N4BP2: variants seen among roughly 807,000 people sequenced by gnomAD.
The protein encoded by N4BP2 is NEDD4-binding protein 2.
N4BP2 carries 91 observed loss-of-function variants against 152.8 expected under a neutral mutation model. The ratio of observed to expected loss-of-function variants is 0.60; its 90% confidence interval spans 0.50 to 0.71. The LOEUF (loss-of-function observed/expected upper bound fraction) is 0.71, where lower values mean the gene tolerates loss of function less well. Among genes scored for constraint, N4BP2 ranks in the 30% least tolerant of loss-of-function variants. The pLI is 0.00. For missense variants in N4BP2, 1,923 were observed against 2,059.1 expected (o/e 0.93, Z 1.28); for synonymous variants, 646 against 705.3 (o/e 0.92, Z 1.33).
intron 1 of N4BP2, among the ~76,000 whole-genome samples, chr4:40,057,365 C>G (rs1030552321): frequency 6.6e-6 from 1 of 152,228 alleles, no homozygotes; most frequent in African/African-American, 2.4e-5. Flanking sequence ...CTCGACCCCC[C>G]GAGGTTTCCT....
At chr4:40,169,651 C>T in the N4BP2 span, among the ~76,000 whole-genome samples, 1 of 150,702 alleles carries the variant, frequency 6.6e-6, no homozygotes, top group Admixed American at 6.6e-5. Context: ...AAATTCAGTG[C>T]TCATCTTTAA....
At chr4:40,123,278 A>G (rs895381737) in intron 10 of N4BP2, 66 bp downstream of exon 10, 47 of 1,064,942 alleles carry the variant, frequency 4.4e-5, no homozygotes, top group Non-Finnish European at 6.3e-5. Context: ...ATTTCAGTGA[A>G]ATCTACCACA....
chr4:40,092,002 A>T (rs1714602344), intron 2 of N4BP2, among the ~76,000 whole-genome samples: 1 of 82,456 alleles, frequency 1.2e-5, no homozygotes, highest in African/African-American at 4.7e-5. Flanking sequence ...AAAAAAAAAA[A>T]AAAAATTATA....
intron 5 of N4BP2, 47 bp downstream of exon 5, chr4:40,107,071 A>G (rs768187979): frequency 6.3e-7 from 1 of 1,583,358 alleles, no homozygotes; most frequent in Non-Finnish European, 8.6e-7. Context: ...AGTAATACAA[A>G]GAAAAAATTC....
chr4:40,144,712 G>A lies in N4BP2; in HGVS notation c.5055G>A (p.Leu1685=), dbSNP rs1720348293. 3.1e-6 allele frequency: 5 copies of A among 1,613,976 alleles called. No individual in the cohort carries two copies. Among genetic ancestry groups the A allele is most frequent in the African/African-American group, 1.3e-5 (1 of 74,930 alleles). The change falls in exon 16 of 18, where the codon CTG becomes CTA. Residue 1685 remains leucine, a synonymous_variant. Transcript: ENST00000261435. ...TCTTTGAGAAAGTCAATGCTTCGCT[G>A]CTGCCACAGAATGTTTTAGACCTCC... ...IEIFEKVNAS[L]LPQNVLDLHG... is the part of the protein sequence containing the mutation.
At chr4:40,084,198 G>A (rs1713690501) in intron 2 of N4BP2, among the ~76,000 whole-genome samples, 1 of 152,204 alleles carries the variant, frequency 6.6e-6, no homozygotes, top group South Asian at 2.1e-4. Context: ...TAATCCACCT[G>A]CCTTGGCCTC....
At chr4:40,138,758 C>T (rs1579118484) in intron 14 of N4BP2, among the ~76,000 whole-genome samples, 1 of 152,200 alleles carries the variant, frequency 6.6e-6, no homozygotes, top group East Asian at 1.9e-4. Context: ...TTCCATTGAT[C>T]TGTATGTCTG....
Position 40,120,932 on chromosome 4 carries a change from T to A in N4BP2, c.2821T>A (p.Leu941Met), listed in dbSNP as rs747203550. The part of the protein sequence containing the change: ...WGTSSQKLKT[L>M]GSSNLGSSEM... ...CACAAGCTCTCAAAAACTAAAGACA[T>A]TGGGTAGCTCCAATCTAGGAAGTTC... The change falls in exon 9 of 18, where the codon TTG becomes ATG. Residue 941 changes from leucine (L) to methionine (M), a missense_variant. By Grantham distance (15) the Leu-to-Met change is conservative (BLOSUM62 2). Transcript: ENST00000261435. 1 of 1,614,094 alleles carries A rather than the reference T, an allele frequency of 6.2e-7. No individual in the cohort carries two copies. Among genetic ancestry groups the A allele is most frequent in the Admixed American group, 1.7e-5 (1 of 60,018 alleles).
At chr4:40,162,602 G>A (rs1721887843), downstream of N4BP2, among the ~76,000 whole-genome samples, 1 of 152,172 alleles carries the variant, frequency 6.6e-6, no homozygotes, top group Non-Finnish European at 1.5e-5. Context: ...GGGATATTTA[G>A]AGGTATGCCA....
chr4:40,113,448 A>G lies in N4BP2; in HGVS notation c.1604A>G (p.Tyr535Cys), dbSNP rs1276051047. The G allele has an allele frequency of 6.2e-7, 1 of 1,612,630 alleles. No individual in the cohort carries two copies. Among genetic ancestry groups the G allele is most frequent in the Non-Finnish European group, 8.5e-7 (1 of 1,178,956 alleles). The change falls in exon 7 of 18, where the codon TAT (tyrosine) becomes TGT (cysteine). Residue 535 changes from tyrosine to cysteine, a missense_variant. Coordinates refer to ENST00000261435, the MANE Select transcript of N4BP2 (RefSeq NM_018177.6). ...TGTATGTAGTCTCAGAAACACAAAT[A>G]TAAAGTCCTTTTTCGGGAACCAGAC... ...PYVALSQKHK[Y>C]KVLFREPDTW... is the part of the protein sequence containing the mutation.
chr4:40,096,106 A>G (rs1715083833), intron 2 of N4BP2, among the ~76,000 whole-genome samples: 2 of 152,194 alleles, frequency 1.3e-5, no homozygotes. Context: ...ATATTCAAGC[A>G]GAGAAAACAA....
intron 13 of N4BP2, among the ~76,000 whole-genome samples, chr4:40,135,011 A>G (rs1719252851): frequency 6.7e-6 from 1 of 149,038 alleles, no homozygotes; most frequent in African/African-American, 2.5e-5. Flanking sequence ...GGTTAGTTAC[A>G]TATGTATACA....
chr4:40,086,770 C>T (rs1413378895), intron 2 of N4BP2, among the ~76,000 whole-genome samples: 1 of 151,960 alleles, frequency 6.6e-6, no homozygotes, highest in East Asian at 1.9e-4. Flanking sequence ...ACTTTTGAGA[C>T]AAGGTTTTGC....
At chr4:40,160,349 G>A (rs1721825760), downstream of N4BP2, among the ~76,000 whole-genome samples, 1 of 152,194 alleles carries the variant, frequency 6.6e-6, no homozygotes, top group African/African-American at 2.4e-5. Flanking sequence ...GTGATGGTGT[G>A]AATGCCGTAT....
intron 15 of N4BP2, 141 bp from the exon 16 acceptor site, chr4:40,144,491 A>T: frequency 1.6e-6 from 1 of 632,046 alleles, no homozygotes. Context: ...ATTCTTATAT[A>T]TTAAACTCAT....
chr4:40,134,931 T>TTTTTATTTTTTTTTA (rs1719238186), intron 13 of N4BP2, among the ~76,000 whole-genome samples: 3 of 120,002 alleles, frequency 2.5e-5, no homozygotes, highest in Admixed American at 1.8e-4. Flanking sequence ...CTTTCTTTCT[T>TTTTTATTTTTTTTTA]TTTTATTTTA....
At position 40,106,977 on chromosome 4, in the gene N4BP2, T is replaced by A; in HGVS notation, c.1451T>A (p.Phe484Tyr). 6.2e-7 allele frequency: 1 copy of A among 1,613,462 alleles called. No individual in the cohort carries two copies. Among genetic ancestry groups the A allele is most frequent in the East Asian group, 2.2e-5 (1 of 44,854 alleles). ...DYFYINGQYQ[F>Y]DVKYLGEAHE... ...TTTTATATAAATGGACAGTACCAGT[T>A]TGATGTAAAGTACTTAGGAGAAGCA... Residue 484 changes from phenylalanine to tyrosine, a missense_variant, in exon 5 of 18, where the codon TTT (phenylalanine) becomes TAT (tyrosine). Coordinates refer to ENST00000261435, the MANE Select transcript of N4BP2 (RefSeq NM_018177.6).
intron 16 of N4BP2, among the ~76,000 whole-genome samples, chr4:40,147,506 C>T (rs1720668865): frequency 1.4e-5 from 2 of 147,900 alleles, no homozygotes; most frequent in Non-Finnish European, 1.5e-5. Flanking sequence ...GAGGCGCCCC[C>T]CACCTCCCGG....
chr4:40,097,607 A>G (rs1186805703), intron 3 of N4BP2, 38 bp downstream of exon 3: 1 of 1,249,760 alleles, frequency 8.0e-7, no homozygotes, highest in Non-Finnish European at 1.2e-6. Context: ...TCCATCTTAT[A>G]AGAAGACTTT....
Sources: allele counts gnomAD v4.1 joint callset (sites outside exome capture counted in the v4.1 genomes callset), GRCh38; gene constraint gnomAD v4.1.1; transcripts MANE v1.5; gene names NCBI Gene and HGNC (gene_info 2026-07-23, HGNC 2026-07-21).